Variants in TCOF1 observed in about 807,000 individuals in gnomAD.
TCOF1 encodes the protein treacle protein.
Under a neutral mutation model 149.0 loss-of-function variants are expected in TCOF1, and 33 were observed. The ratio of observed to expected loss-of-function variants is 0.22; its 90% CI spans 0.17 to 0.30. TCOF1 has a LOEUF of 0.30. Ranked by LOEUF, TCOF1 falls within the 10% of genes least tolerant of loss-of-function variation. The pLI, the probability that TCOF1 is intolerant of heterozygous loss-of-function variation, is 1.00. For synonymous variants in TCOF1, 789 were observed against 738.8 expected, an observed-to-expected ratio of 1.07 and a Z score of -1.10; for missense variants, 1,728 against 1,840.7, an observed-to-expected ratio of 0.94 and a Z score of 1.12.
intron 7 of TCOF1, among the ~76,000 whole-genome samples, 176 bp from the exon 8 acceptor site, chr5:150,373,998 T>C (rs1190192090): frequency 6.6e-6 from 1 of 151,930 alleles, no homozygotes; most frequent in Non-Finnish European, 1.5e-5. Context: ...GTGAAGCTGA[T>C]CGATTTTTGA....
In TCOF1 at chr5:150,393,551, A is replaced by G; in HGVS notation, c.3783A>G (p.Thr1261=). 6.2e-7 allele frequency: 1 copy of G among 1,614,108 alleles called. No individual in the cohort carries two copies. The highest frequency in any genetic ancestry group is 2.2e-5 in the East Asian group (1 of 44,870). The change falls in exon 23 of 27, where the codon ACA becomes ACG. Residue 1261 remains threonine, a splice_region_variant and synonymous_variant. Coordinates refer to ENST00000643257, the MANE Select transcript of TCOF1 (RefSeq NM_001371623.1). ...CAGCAGGCATGTTGTCCCCTAAAAC[A>G]GGTAAGTTAAGGTCTGCAGGAGGGA... ...QQAAGMLSPK[T]GGKEAASGTT...
intron 17 of TCOF1, chr5:150,383,113 C>T (rs1272179954): frequency 6.5e-7 from 1 of 1,535,964 alleles, no homozygotes; most frequent in African/African-American, 1.4e-5. Context: ...CCCAGCACCC[C>T]CAGAGAGGAA....
At chr5:150,361,028 G>A in intron 1 of TCOF1, 128 bp from the exon 2 acceptor site, 1 of 1,189,278 alleles carries the variant, frequency 8.4e-7, no homozygotes, top group East Asian at 2.5e-5. Context: ...GAGCCACCAT[G>A]CCCAGCCAAA....
chr5:150,365,994 G>T lies in TCOF1; in HGVS notation c.304+1742G>T, dbSNP rs1047502311. ...AATTTAGCCAGGCATGGTGGCGTGTGCTTGTAGTTTCAGCTGCCTAGGAGG... is the reference window on the plus strand; with the variant it reads ...AATTTAGCCAGGCATGGTGGCGTGTTCTTGTAGTTTCAGCTGCCTAGGAGG... On this transcript the variant is annotated intron_variant, in intron 3 of 26. Transcript: ENST00000643257. Among the ~76,000 whole-genome samples, 37 of 151,208 alleles carry T rather than the reference G, an allele frequency of 2.4e-4. 1 individual carries two copies. Among genetic ancestry groups the T allele is most frequent in the African/African-American group, 8.3e-4 (34 of 41,206 alleles).
chr5:150,374,966 G>A lies in TCOF1; in HGVS notation c.1291G>A (p.Gly431Arg), dbSNP rs1763401858. The A allele has an allele frequency of 6.2e-7, 1 of 1,612,992 alleles. No homozygotes were observed. The change falls in exon 10 of 27, where the codon GGG (glycine) becomes AGG (arginine). Residue 431 changes from glycine (G) to arginine (R), a missense_variant. Gly to Arg is a moderately radical substitution (Grantham distance 125). Around this residue, in one of 2 missense-constraint regions of TCOF1, gnomAD observed 1,696 missense variants for 1,765.4 expected, o/e 0.96. Transcript: ENST00000643257. ...TTTCTCACTCCAGGCGAAGCCTTCA[G>A]GGAAGGCCCCCCAGGTCAGAGCCGC... The part of the protein sequence containing the change: ...EEAPAQAKPS[G>R]KAPQVRAASA...
In TCOF1 at chr5:150,399,928, T is replaced by C. The variant is rs183916761; in HGVS notation, c.*141T>C. 6.6e-6 allele frequency: 1 copy of C among 152,424 alleles called. No individual in the cohort carries two copies. Among genetic ancestry groups the C allele is most frequent in the Admixed American group, 6.5e-5 (1 of 15,298 alleles). The allele number at this position is 152,424 out of a possible 1,614,324, so 9.4% of individuals were successfully genotyped here. A position where few individuals can be genotyped will look rare whatever the true frequency, so the allele number is the denominator to read the frequency against. ...GCTCCACAGAAGAAGACAGCCAGCT[T>C]CAGGGGTCCCTGTGCTGGCCAAGCC... On this transcript the variant is annotated 3_prime_UTR_variant, in exon 27 of 27. Transcript: ENST00000643257.
chr5:150,384,470 A>G (rs1436544771), intron 17 of TCOF1: 14 of 985,268 alleles, frequency 1.4e-5, no homozygotes, highest in Non-Finnish European at 1.7e-5. Flanking sequence ...TGCTGCCCCG[A>G]CACTCTCCTC....
chr5:150,369,488 G>A (rs759170496), intron 5 of TCOF1, 41 bp from the exon 6 acceptor site: 2 of 1,612,292 alleles, frequency 1.2e-6, no homozygotes, highest in Non-Finnish European at 1.7e-6. Context: ...AGGTGAGGCT[G>A]GAAAGGGAGT....
At chr5:150,378,455 C>T (rs1425187007) in intron 14 of TCOF1, among the ~76,000 whole-genome samples, 1 of 152,166 alleles carries the variant, frequency 6.6e-6, no homozygotes, top group African/African-American at 2.4e-5. Flanking sequence ...CTGACCTCAG[C>T]ATTCCATCTA....
At chr5:150,394,244 A>G (rs889143878) in intron 23 of TCOF1, 2 of 153,242 alleles carry the variant, frequency 1.3e-5, no homozygotes, top group Non-Finnish European at 2.9e-5. Context: ...CTTGGGCCTC[A>G]GAGGATAGCT....
chr5:150,360,364 A>G (rs1759765704), intron 1 of TCOF1, among the ~76,000 whole-genome samples: 1 of 152,096 alleles, frequency 6.6e-6, no homozygotes, highest in South Asian at 2.1e-4. Flanking sequence ...CTCTGCTTCC[A>G]CCAAGGGACT....
chr5:150,375,712 T>C lies in TCOF1; in HGVS notation c.1705-9T>C. On this transcript the variant is annotated splice_polypyrimidine_tract_variant and intron_variant, in intron 11 of 26. Transcript: ENST00000643257. ...GCTCCCTCTCCCGATCCTGTGTATCTCACTCCAGGAAAAGTCCTTGGGGAA... is the reference window on the plus strand; with the variant it reads ...GCTCCCTCTCCCGATCCTGTGTATCCCACTCCAGGAAAAGTCCTTGGGGAA... The C allele has an allele frequency of 6.2e-7, 1 of 1,614,118 alleles. No homozygotes were observed.
intron 17 of TCOF1, chr5:150,384,504 T>G (rs1329495299): frequency 1.0e-6 from 1 of 985,384 alleles, no homozygotes; most frequent in Non-Finnish European, 1.2e-6. Flanking sequence ...CATTGCCCTC[T>G]GGCTCTGTGT....
chr5:150,394,158 T>A (rs1416918135), intron 23 of TCOF1: 1 of 157,512 alleles, frequency 6.3e-6, no homozygotes, highest in Non-Finnish European at 1.4e-5. Flanking sequence ...GTCTTTTGGC[T>A]TGTGGAGCAA....
chr5:150,391,346 G>A (rs908362229), intron 19 of TCOF1, among the ~76,000 whole-genome samples, 198 bp from the exon 20 acceptor site: 1 of 152,202 alleles, frequency 6.6e-6, no homozygotes, highest in Admixed American at 6.5e-5. Flanking sequence ...CCCTGCCCTG[G>A]GCTGGGAACT....
Position 150,396,395 on chromosome 5 carries a change from C to T in TCOF1, c.3898C>T (p.Leu1300Phe). 4 of 1,614,024 alleles carry T rather than the reference C, an allele frequency of 2.5e-6. No homozygotes were observed. Among genetic ancestry groups the T allele is most frequent in the Non-Finnish European group, 3.4e-6 (4 of 1,180,046 alleles). The change falls in exon 24 of 27, where the codon CTC becomes TTC. Residue 1300 changes from leucine to phenylalanine, a missense_variant. Leu to Phe is a conservative substitution (Grantham distance 22, BLOSUM62 0). This residue lies in a region of TCOF1 where 1,696 missense variants were observed against 1,765.4 expected (regional missense o/e 0.96). Coordinates refer to ENST00000643257, the MANE Select transcript of TCOF1 (RefSeq NM_001371623.1). ...LALQSNITQC[L>F]LGQPWPLNEA... ...GCTGCAAAGCAACATCACCCAGTGCCTCCTGGGCCAACCCTGGCCCCTGAA... is the reference window on the plus strand; with the variant it reads ...GCTGCAAAGCAACATCACCCAGTGCTTCCTGGGCCAACCCTGGCCCCTGAA...
chr5:150,377,124 A>G (rs1173217038), intron 14 of TCOF1, among the ~76,000 whole-genome samples: 3 of 152,212 alleles, frequency 2.0e-5, no homozygotes, highest in Non-Finnish European at 2.9e-5. Flanking sequence ...AGGCAGAGGA[A>G]GCAGTCTGTG....
intron 7 of TCOF1, among the ~76,000 whole-genome samples, chr5:150,373,392 TTTAAAAA>T (rs1762974553): frequency 6.6e-6 from 1 of 152,190 alleles, no homozygotes; most frequent in Non-Finnish European, 1.5e-5. Flanking sequence ...GGCTCAAAAA[TTTAAAAA>T]GGAGCTAGCC....
At chr5:150,367,984 C>T in intron 4 of TCOF1, 67 bp downstream of exon 4, 1 of 1,561,894 alleles carries the variant, frequency 6.4e-7, no homozygotes. Context: ...GACAGTCTTA[C>T]ATGTCAGAGA....
Sources: allele counts gnomAD v4.1 joint callset (sites outside exome capture counted in the v4.1 genomes callset), GRCh38; gene constraint gnomAD v4.1.1; regional missense constraint gnomAD v4.1.1; transcripts MANE v1.5; gene names NCBI Gene and HGNC (gene_info 2026-07-23, HGNC 2026-07-21).